Variants in IQCM observed in about 807,000 individuals in gnomAD.
IQCM encodes the protein IQ domain-containing protein M.
In IQCM, 45 loss-of-function variants were observed where a neutral mutation model predicts 57.6. The ratio of observed to expected loss-of-function variants is 0.78; its 90% CI spans 0.62 to 1.00. IQCM has a LOEUF of 1.00. Ranked by LOEUF, IQCM falls within the 50% of genes least tolerant of loss-of-function variation. The pLI is 0.00. For missense variants in IQCM, 468 were observed against 511.6 expected, an observed-to-expected ratio of 0.91 and a Z score of 0.82; for synonymous variants, 148 against 158.9, an observed-to-expected ratio of 0.93 and a Z score of 0.51.
At chr4:149,472,670 C>T (rs952727234) in intron 12 of IQCM, among the ~76,000 whole-genome samples, 1 of 152,158 alleles carries the variant, frequency 6.6e-6, no homozygotes, top group South Asian at 2.1e-4. Context: ...CCAAGACAAT[C>T]TTAAGCCAAA....
In IQCM at chr4:149,528,615, A is replaced by T. The variant is rs1579377154; in HGVS notation, c.1228+19840T>A. ...TTGAAGTAGGAGAGTAAATTAGGAAAGAATAAGCCTGAGGAATTGAGGTAA... is the reference window on the plus strand; with the variant it reads ...TTGAAGTAGGAGAGTAAATTAGGAATGAATAAGCCTGAGGAATTGAGGTAA... On this transcript the variant is annotated intron_variant, in intron 12 of 13. Coordinates refer to ENST00000636793, the MANE Select transcript of IQCM (RefSeq NM_001363507.2). Among the ~76,000 whole-genome samples the T allele has an allele frequency of 2.0e-5, 3 of 152,316 alleles. No homozygotes were observed. The East Asian group carries it at 5.8e-4, about 29-fold the overall frequency.
At chr4:149,508,385 C>T (rs2149804161) in intron 12 of IQCM, among the ~76,000 whole-genome samples, 1 of 152,276 alleles carries the variant, frequency 6.6e-6, no homozygotes, top group Admixed American at 6.5e-5. Context: ...GGGGGCTGTG[C>T]CCAGCAAAGC....
At chr4:149,631,844 C>T (rs1317099533) in intron 7 of IQCM, among the ~76,000 whole-genome samples, 1 of 152,118 alleles carries the variant, frequency 6.6e-6, no homozygotes, top group Non-Finnish European at 1.5e-5. Flanking sequence ...CACTGTGAAA[C>T]CAGACTGGCC....
At chr4:149,738,426 A>T (rs1767143680) in intron 3 of IQCM, among the ~76,000 whole-genome samples, 1 of 152,192 alleles carries the variant, frequency 6.6e-6, no homozygotes, top group Admixed American at 6.5e-5. Flanking sequence ...TTCCCAAAGT[A>T]GCATTTTCTT....
At chr4:149,407,165 C>T (rs1305206645) in intron 13 of IQCM, among the ~76,000 whole-genome samples, 2 of 151,962 alleles carry the variant, frequency 1.3e-5, no homozygotes, top group Non-Finnish European at 2.9e-5. Flanking sequence ...TTCAATTATC[C>T]CCCCCCAGGT....
At chr4:149,591,899 GC>G (rs977644270) in intron 8 of IQCM, among the ~76,000 whole-genome samples, 81 of 152,234 alleles carry the variant, frequency 5.3e-4, no homozygotes, top group African/African-American at 1.8e-3. Context: ...TGTGAATAGT[GC>G]CACAATAAAC....
At chr4:149,594,650 G>A (rs1197426160) in intron 8 of IQCM, among the ~76,000 whole-genome samples, 1 of 152,134 alleles carries the variant, frequency 6.6e-6, no homozygotes. Flanking sequence ...ATTCTGGTAT[G>A]TTGTGTCTTT....
At chr4:149,791,872 A>G (rs1772654173) in intron 2 of IQCM, among the ~76,000 whole-genome samples, 1 of 152,196 alleles carries the variant, frequency 6.6e-6, no homozygotes, top group Admixed American at 6.5e-5. Context: ...TTGGAATGCT[A>G]AATCTTAAAC....
rs531497593 is a variant in IQCM at position 149,387,173 on chromosome 4, C to T, written c.1391-35107G>A. On this transcript the variant is annotated intron_variant, in intron 13 of 13. Coordinates refer to ENST00000636793, the MANE Select transcript of IQCM (RefSeq NM_001363507.2). ...GCAGATTCAGTGTCTGGTGAGGTTC[C>T]ACTCTCTGATTCATAGATGACACCT... Among the ~76,000 whole-genome samples the T allele has an allele frequency of 2.6e-5, 4 of 152,092 alleles. No individual in the cohort carries two copies. In the East Asian group the frequency reaches 7.8e-4, roughly 30 times the overall value.
intron 7 of IQCM, among the ~76,000 whole-genome samples, chr4:149,647,696 T>C (rs950734673): frequency 3.3e-5 from 5 of 152,148 alleles, no homozygotes; most frequent in African/African-American, 1.2e-4. Flanking sequence ...TTTCTTCATC[T>C]TCACTATGAT....
chr4:149,789,029 G>T (rs1164301853), intron 2 of IQCM, among the ~76,000 whole-genome samples: 2 of 152,070 alleles, frequency 1.3e-5, no homozygotes, highest in African/African-American at 4.8e-5. Context: ...AAGAGAGGCT[G>T]GTTAATGGGT....
chr4:149,539,870 A>C (rs1579416764), intron 12 of IQCM, among the ~76,000 whole-genome samples: 1 of 152,260 alleles, frequency 6.6e-6, no homozygotes, highest in Non-Finnish European at 1.5e-5. Context: ...ATCTCAAAAA[A>C]TAAAATAAAA....
chr4:149,599,913 A>G (rs2150029525), intron 8 of IQCM, among the ~76,000 whole-genome samples: 1 of 152,278 alleles, frequency 6.6e-6, no homozygotes, highest in African/African-American at 2.4e-5. Flanking sequence ...ATGAATTTCC[A>G]TTTTATAATT....
intron 13 of IQCM, among the ~76,000 whole-genome samples, chr4:149,365,667 A>C (rs1297895348): frequency 6.6e-6 from 1 of 152,324 alleles, no homozygotes; most frequent in East Asian, 1.9e-4. Context: ...TCCCACTGAT[A>C]TGATGAGGAC....
At chr4:149,678,109 G>T (rs1428665206) in intron 7 of IQCM, among the ~76,000 whole-genome samples, 1 of 151,794 alleles carries the variant, frequency 6.6e-6, no homozygotes, top group Non-Finnish European at 1.5e-5. Flanking sequence ...AGGGTAGAAA[G>T]CTTATTCAAG....
intron 5 of IQCM, among the ~76,000 whole-genome samples, chr4:149,725,325 T>G (rs1306411898): frequency 6.6e-6 from 1 of 152,194 alleles, no homozygotes; most frequent in East Asian, 1.9e-4. Flanking sequence ...GTTCTGGGAT[T>G]AATGCCACTG....
At chr4:149,713,540 A>G (rs1561189191) in intron 5 of IQCM, among the ~76,000 whole-genome samples, 1 of 151,958 alleles carries the variant, frequency 6.6e-6, no homozygotes, top group Non-Finnish European at 1.5e-5. Flanking sequence ...TTCTCAGTCC[A>G]TTCACTCTCC....
intron 13 of IQCM, among the ~76,000 whole-genome samples, chr4:149,380,123 C>T (rs2111028008): frequency 6.6e-6 from 1 of 152,226 alleles, no homozygotes; most frequent in East Asian, 1.9e-4. Context: ...AAACCTCTTT[C>T]TTTTGTAAAT....
At chr4:149,378,182 A>T (rs1232998474) in intron 13 of IQCM, among the ~76,000 whole-genome samples, 1 of 152,132 alleles carries the variant, frequency 6.6e-6, no homozygotes, top group Non-Finnish European at 1.5e-5. Flanking sequence ...CTGTGAGTCC[A>T]TTAAAGGCTC....
Sources: gnomAD v4.1 joint callset for allele counts (sites outside exome capture counted in the v4.1 genomes callset) on GRCh38, gnomAD v4.1.1 for gene constraint, MANE v1.5 for transcripts, NCBI Gene and HGNC (gene_info 2026-07-23, HGNC 2026-07-21) for gene names.